The following ACOT11 variants were observed in gnomAD, a reference collection of about 807,000 sequenced individuals.
The protein encoded by ACOT11 is acyl-coenzyme A thioesterase 11.
Under a neutral mutation model 77.5 loss-of-function variants are expected in ACOT11, and 69 were observed. The observed-to-expected ratio is 0.89, with a 90% CI of 0.73 to 1.09. The LOEUF (loss-of-function observed/expected upper bound fraction) is 1.09, where lower values mean the gene tolerates loss of function less well. Among genes scored for constraint, ACOT11 ranks in the 50% least tolerant of loss-of-function variants. The pLI is 0.00. For synonymous variants in ACOT11, 279 were observed against 313.0 expected, an observed-to-expected ratio of 0.89 and a Z score of 1.15; for missense variants, 766 against 813.7, an observed-to-expected ratio of 0.94 and a Z score of 0.71.
intron 5 of ACOT11, 26 bp from the exon 6 acceptor site, chr1:54,594,530 C>A: frequency 6.2e-7 from 1 of 1,602,138 alleles, no homozygotes; most frequent in Non-Finnish European, 8.5e-7. Flanking sequence ...CCCTGAGTGT[C>A]CCCCACCCTG....
At chr1:54,621,428 G>A (rs1033132153) in intron 15 of ACOT11, 3 of 152,146 alleles carry the variant, frequency 2.0e-5, no homozygotes, top group Non-Finnish European at 2.9e-5. Context: ...CTGCACTCCA[G>A]TCTGGGCGAC....
chr1:54,614,997 G>C, downstream of ACOT11: 2 of 810,816 alleles, frequency 2.5e-6, no homozygotes, highest in Admixed American at 5.4e-5. Flanking sequence ...GGAAGGACCA[G>C]CACCACATCC....
At chr1:54,610,498 T>G, downstream of ACOT11, 1 of 1,613,370 alleles carries the variant, frequency 6.2e-7, no homozygotes, top group Non-Finnish European at 8.5e-7. Flanking sequence ...CCCAGGCAGC[T>G]GGAGAAGAGG....
At chr1:54,568,522 G>A (rs146868151) in intron 1 of ACOT11, among the ~76,000 whole-genome samples, 88 of 151,888 alleles carry the variant, frequency 5.8e-4, no homozygotes, top group Admixed American at 1.0e-3. Flanking sequence ...GCACCATCAC[G>A]CCTGGCTAAT....
exon 17 of ACOT11, chr1:54,634,753 A>G (rs1569821496): frequency 1.4e-6 from 1 of 702,402 alleles, no homozygotes; most frequent in East Asian, 2.7e-5. Flanking sequence ...GCCAGATGCC[A>G]AGGAAGAGAC....
rs1389812996 is a variant in ACOT11, at chr1:54,603,922, G to GA, written c.1137_1138insA (p.Asp380ArgfsTer3). The GA allele has an allele frequency of 6.2e-7, 1 of 1,613,998 alleles. No individual in the cohort carries two copies. Among genetic ancestry groups the GA allele is most frequent in the African/African-American group, 1.3e-5 (1 of 74,930 alleles). ...CAGAGGTGCCCCTCTCCGTCCCCTG[G>GA]GACCCTAGCAACCAGGTAAGGCTCT... On this transcript the variant is annotated frameshift_variant, in exon 11 of 16. Transcript: ENST00000343744. LOFTEE classifies it high-confidence loss of function.
chr1:54,633,377 C>G (rs1278910136), intron 16 of ACOT11, among the ~76,000 whole-genome samples: 1 of 152,162 alleles, frequency 6.6e-6, no homozygotes, highest in African/African-American at 2.4e-5. Context: ...GACTTAAGAG[C>G]CATCAGTTCA....
In ACOT11 at chr1:54,594,630, C is replaced by T. The variant is rs1654831130; in HGVS notation, c.546C>T (p.Arg182=). 1 of 1,614,174 alleles carries T rather than the reference C, an allele frequency of 6.2e-7. No individual in the cohort carries two copies. Among genetic ancestry groups the T allele is most frequent in the Non-Finnish European group, 8.5e-7 (1 of 1,180,014 alleles). The change falls in exon 6 of 16, where the codon CGC becomes CGT. Residue 182 remains arginine (R), a synonymous_variant. Coordinates refer to ENST00000343744, the MANE Select transcript of ACOT11 (RefSeq NM_147161.4). The part of the protein sequence containing the change: ...MEHSVAAERR[R]MRLVYADTIK... Reference sequence around the variant, plus strand: ...ACAGTGTGGCGGCTGAGCGCCGGCGCATGCGCCTTGTCTATGCAGACACCA... The same window carrying T: ...ACAGTGTGGCGGCTGAGCGCCGGCGTATGCGCCTTGTCTATGCAGACACCA...
At chr1:54,574,029 CAAAAAA>C (rs368096166) in intron 1 of ACOT11, among the ~76,000 whole-genome samples, 1 of 87,384 alleles carries the variant, frequency 1.1e-5, no homozygotes. Flanking sequence ...AACTCCATCT[CAAAAAA>C]AAAAAAAAAA....
downstream of ACOT11, among the ~76,000 whole-genome samples, chr1:54,613,628 GT>G (rs1013819001): frequency 1.3e-5 from 2 of 152,020 alleles, no homozygotes; most frequent in African/African-American, 4.8e-5. Flanking sequence ...AAATATTTTA[GT>G]TTTTTTCTTT....
intron 15 of ACOT11, chr1:54,621,550 A>C (rs1276866701): frequency 6.6e-6 from 1 of 152,212 alleles, no homozygotes; most frequent in Non-Finnish European, 1.5e-5. Flanking sequence ...ACTTTAGCAA[A>C]GGAGTTGCTG....
chr1:54,579,266 C>G (rs1654218482), intron 1 of ACOT11, among the ~76,000 whole-genome samples: 1 of 152,124 alleles, frequency 6.6e-6, no homozygotes, highest in African/African-American at 2.4e-5. Flanking sequence ...ACCTCAAGGC[C>G]CATGCAGCTC....
At chr1:54,623,153 G>A in intron 15 of ACOT11, 1 of 662,242 alleles carries the variant, frequency 1.5e-6, no homozygotes, top group Non-Finnish European at 2.6e-6. Flanking sequence ...CTCCAGCCTG[G>A]GCAACAAGAG....
chr1:54,630,321 C>T (rs1644292688), intron 15 of ACOT11, among the ~76,000 whole-genome samples: 1 of 152,170 alleles, frequency 6.6e-6, no homozygotes, highest in Non-Finnish European at 1.5e-5. Context: ...TGGCCATAAA[C>T]TGGCCCCAAA....
intron 3 of ACOT11, among the ~76,000 whole-genome samples, chr1:54,590,820 T>C (rs1377840916): frequency 2.0e-5 from 3 of 152,298 alleles, no homozygotes; most frequent in South Asian, 2.1e-4. Flanking sequence ...AGTGGTGCGA[T>C]CTTGGCTCAC....
intron 1 of ACOT11, among the ~76,000 whole-genome samples, chr1:54,562,018 G>A (rs1345789290): frequency 6.7e-5 from 5 of 74,392 alleles, no homozygotes; most frequent in Admixed American, 1.0e-4. Context: ...CCTCCCAGAC[G>A]GGGCGGCTGG....
chr1:54,576,818 G>A (rs1339571906), intron 1 of ACOT11, among the ~76,000 whole-genome samples: 1 of 149,564 alleles, frequency 6.7e-6, no homozygotes, highest in Non-Finnish European at 1.5e-5. Flanking sequence ...GCCCATGAAG[G>A]GCCTCAGAGA....
chr1:54,572,782 C>T (rs1263555861), intron 1 of ACOT11, among the ~76,000 whole-genome samples: 1 of 152,178 alleles, frequency 6.6e-6, no homozygotes, highest in Non-Finnish European at 1.5e-5. Context: ...GAAGGGTCTC[C>T]CTTGGAAGGG....
intron 13 of ACOT11, among the ~76,000 whole-genome samples, chr1:54,605,743 G>A (rs1236133519): frequency 6.6e-6 from 1 of 152,138 alleles, no homozygotes; most frequent in Non-Finnish European, 1.5e-5. Flanking sequence ...ATAGAAATAT[G>A]TTATTCCTTT....
Sources: allele counts gnomAD v4.1 joint callset (sites outside exome capture counted in the v4.1 genomes callset), GRCh38; gene constraint gnomAD v4.1.1; transcripts MANE v1.5; gene names NCBI Gene and HGNC (gene_info 2026-07-23, HGNC 2026-07-21).